AFAP1L2: variants seen among roughly 807,000 people sequenced by gnomAD.
AFAP1L2 encodes actin filament-associated protein 1-like 2.
Under a neutral mutation model 99.3 loss-of-function variants are expected in AFAP1L2, and 46 were observed. The ratio of observed to expected loss-of-function variants is 0.46; its 90% CI spans 0.37 to 0.59. The LOEUF is 0.59. Ranked by LOEUF, AFAP1L2 falls within the 20% of genes least tolerant of loss-of-function variation. The pLI is 0.00. For synonymous variants in AFAP1L2, 397 were observed against 419.1 expected (o/e 0.95, Z 0.64); for missense variants, 959 against 1,034.9 (o/e 0.93, Z 1.01).
At chr10:114,326,736 A>G (rs1007821732) in intron 4 of AFAP1L2, among the ~76,000 whole-genome samples, 1 of 152,206 alleles carries the variant, frequency 6.6e-6, no homozygotes, top group Non-Finnish European at 1.5e-5. Flanking sequence ...CGACCAATTC[A>G]CTTGACCTCT....
chr10:114,297,135 AG>A, intron 17 of AFAP1L2, 35 bp from the exon 18 acceptor site: 1 of 1,612,442 alleles, frequency 6.2e-7, no homozygotes, highest in Non-Finnish European at 8.5e-7. Context: ...GGCTGAGTCA[AG>A]GGGAGGGAGA....
At chr10:114,289,183 G>A in the AFAP1L2 span, 2 of 1,613,532 alleles carry the variant, frequency 1.2e-6, no homozygotes, top group Admixed American at 1.7e-5. Flanking sequence ...CTACCTAGGT[G>A]GGGTGGGCTC....
At chr10:114,345,953 T>C (rs11196706) in intron 1 of AFAP1L2, among the ~76,000 whole-genome samples, 17,058 of 146,824 alleles carry the variant, frequency 0.12, 1,203 homozygotes, top group East Asian at 0.29. Flanking sequence ...GGTGGAGACG[T>C]GGAAAGCCAT....
chr10:114,400,884 C>T (rs887812791), intron 1 of AFAP1L2, among the ~76,000 whole-genome samples: 14 of 152,192 alleles, frequency 9.2e-5, no homozygotes, highest in Non-Finnish European at 1.8e-4. Context: ...AGGTTTAGAA[C>T]TACTGCCTTA....
At chr10:114,379,653 G>A (rs1166630138) in intron 1 of AFAP1L2, among the ~76,000 whole-genome samples, 3 of 152,178 alleles carry the variant, frequency 2.0e-5, no homozygotes, top group Non-Finnish European at 2.9e-5. Flanking sequence ...TTTATTGCTA[G>A]TTCCAGGCAA....
At chr10:114,353,020 C>T (rs2050781210) in intron 1 of AFAP1L2, among the ~76,000 whole-genome samples, 1 of 152,210 alleles carries the variant, frequency 6.6e-6, no homozygotes, top group Non-Finnish European at 1.5e-5. Flanking sequence ...AACTAAAACG[C>T]CACACCCAAC....
At chr10:114,304,378 G>A (rs891707254) in intron 11 of AFAP1L2, among the ~76,000 whole-genome samples, 3 of 152,128 alleles carry the variant, frequency 2.0e-5, no homozygotes, top group African/African-American at 7.2e-5. Flanking sequence ...TGGTTTTTAC[G>A]TACTGGGCCT....
chr10:114,325,234 T>C (rs534518948), intron 4 of AFAP1L2, among the ~76,000 whole-genome samples: 87 of 152,208 alleles, frequency 5.7e-4, no homozygotes, highest in Non-Finnish European at 1.1e-3. Context: ...AACGTGATAG[T>C]GTTTCCACAG....
intron 1 of AFAP1L2, 119 bp downstream of exon 1, chr10:114,404,321 G>A: frequency 8.5e-7 from 1 of 1,178,438 alleles, no homozygotes; most frequent in South Asian, 1.3e-5. Flanking sequence ...GTCCGGGCTG[G>A]GTGGGGGCAG....
chr10:114,393,458 G>C (rs1337114150), intron 1 of AFAP1L2: 1 of 152,148 alleles, frequency 6.6e-6, no homozygotes, highest in Non-Finnish European at 1.5e-5. Flanking sequence ...GCATACCTGA[G>C]AGCACTCAGT....
intron 2 of AFAP1L2, among the ~76,000 whole-genome samples, chr10:114,339,487 G>C (rs928098310): frequency 3.3e-5 from 5 of 152,150 alleles, no homozygotes; most frequent in Admixed American, 3.3e-4. Context: ...CTTACTCGTG[G>C]GCTGCTGTGT....
At chr10:114,299,602 T>C (rs1247183539) in intron 15 of AFAP1L2, among the ~76,000 whole-genome samples, 187 bp from the exon 16 acceptor site, 6 of 152,220 alleles carry the variant, frequency 3.9e-5, no homozygotes, top group African/African-American at 1.4e-4. Flanking sequence ...GATGGTGTGA[T>C]GGTTAATATT....
rs748911823 is a variant in AFAP1L2, at chr10:114,323,254, T to C, written c.323A>G (p.Glu108Gly). Residue 108 changes from glutamate (E) to glycine (G), a missense_variant, in exon 5 of 19, where the codon GAA becomes GGA. This residue lies in a region of AFAP1L2 where 383 missense variants were observed against 472.8 expected (regional missense o/e 0.81). Coordinates refer to ENST00000304129, the MANE Select transcript of AFAP1L2 (RefSeq NM_001001936.3). ...CTTTGGGATGGCAAGCTGTTTCCGTTCTGGAATCTGTGGTATGAACAAATA... is the reference window on the plus strand; with the variant it reads ...CTTTGGGATGGCAAGCTGTTTCCGTCCTGGAATCTGTGGTATGAACAAATA... ...PDLPPPKMIP[E>G]RKQLAIPKTE... The C allele has an allele frequency of 3.8e-6, 6 of 1,593,574 alleles. No individual in the cohort carries two copies. Among genetic ancestry groups the C allele is most frequent in the Non-Finnish European group, 5.1e-6 (6 of 1,168,634 alleles).
rs183305717 is a variant in AFAP1L2 at position 114,351,840 on chromosome 10, C to T, written c.17-11109G>A. Among the ~76,000 whole-genome samples, 8 of 152,300 alleles carry T rather than the reference C, an allele frequency of 5.3e-5. No individual in the cohort carries two copies. The South Asian group carries it at 1.0e-3, about 20-fold the overall frequency. ...AAGAAGCAGCCACCTCCGCCCTTCCCACAGGTACCACACTCCAGATTCAAA... is the reference window on the plus strand; with the variant it reads ...AAGAAGCAGCCACCTCCGCCCTTCCTACAGGTACCACACTCCAGATTCAAA... On this transcript the variant is annotated intron_variant, in intron 1 of 18. Transcript: ENST00000304129.
chr10:114,282,037 T>C, the AFAP1L2 span, among the ~76,000 whole-genome samples: 1 of 151,182 alleles, frequency 6.6e-6, no homozygotes, highest in African/African-American at 2.4e-5. Flanking sequence ...TGAGATGGAG[T>C]CTTACTCTGT....
At chr10:114,318,189 T>C (rs1215087166) in intron 5 of AFAP1L2, among the ~76,000 whole-genome samples, 4 of 152,206 alleles carry the variant, frequency 2.6e-5, no homozygotes, top group African/African-American at 9.6e-5. Flanking sequence ...CAGTATTGCA[T>C]TATCTGTATA....
chr10:114,293,553 G>T (rs1197664131), downstream of AFAP1L2, among the ~76,000 whole-genome samples: 1 of 152,186 alleles, frequency 6.6e-6, no homozygotes, highest in Non-Finnish European at 1.5e-5. Flanking sequence ...CCAGGAAAGT[G>T]CTATCCTATG....
chr10:114,369,392 G>A (rs1189386916), intron 1 of AFAP1L2, among the ~76,000 whole-genome samples: 5 of 152,026 alleles, frequency 3.3e-5, no homozygotes, highest in South Asian at 2.1e-4. Flanking sequence ...TCAGGAGATC[G>A]AGACCATCCT....
At chr10:114,341,720 CTG>C (rs1296633942) in intron 1 of AFAP1L2, among the ~76,000 whole-genome samples, 8 of 152,196 alleles carry the variant, frequency 5.3e-5, no homozygotes, top group Non-Finnish European at 2.9e-5. Context: ...CCCGTGGTCA[CTG>C]TCATACTCCA....
Sources: gnomAD v4.1 joint callset for allele counts (sites outside exome capture counted in the v4.1 genomes callset) on GRCh38, gnomAD v4.1.1 for gene constraint, gnomAD v4.1.1 regional missense constraint, MANE v1.5 for transcripts, NCBI Gene and HGNC (gene_info 2026-07-23, HGNC 2026-07-21) for gene names.